Variants in TAX1BP1 observed in about 807,000 individuals in gnomAD.
TAX1BP1 encodes Tax1 binding protein 1.
In TAX1BP1, 62 loss-of-function variants were observed where a neutral mutation model predicts 97.7. The ratio of observed to expected loss-of-function variants is 0.63; its 90% CI spans 0.52 to 0.78. TAX1BP1 has a LOEUF of 0.78. Among genes scored for constraint, TAX1BP1 ranks in the 30% least tolerant of loss-of-function variants. The probability of loss-of-function intolerance (pLI) is 0.00; values close to 1 mark genes in which losing one functional copy is unlikely to be tolerated. For missense variants in TAX1BP1, 867 were observed against 916.1 expected (o/e 0.95, Z 0.69); for synonymous variants, 340 against 304.2 (o/e 1.12, Z -1.23).
chr7:27,792,087 G>A lies in TAX1BP1; in HGVS notation c.1120G>A (p.Ala374Thr). The change falls in exon 9 of 17, where the codon GCT becomes ACT. Residue 374 changes from alanine to threonine, a missense_variant. Ala to Thr is a moderately conservative substitution (Grantham distance 58). Around this residue, in one of 3 missense-constraint regions of TAX1BP1, gnomAD observed 822 missense variants for 851.4 expected, o/e 0.97. Transcript: ENST00000396319. ...AACTCGGCAAGAAGTTGTCTTTCTG[G>A]CTAAAGAACTCAGTGATGCTGTCAA... is the stretch of plus-strand genomic sequence containing the variant. ...QATRQEVVFL[A>T]KELSDAVNVR... 1.9e-6 allele frequency: 3 copies of A among 1,614,072 alleles called. No individual in the cohort carries two copies. The highest frequency in any genetic ancestry group is 2.5e-6 in the Non-Finnish European group (3 of 1,180,008).
intron 4 of TAX1BP1, among the ~76,000 whole-genome samples, chr7:27,766,523 A>G (rs1174503822): frequency 6.6e-6 from 1 of 151,110 alleles, no homozygotes; most frequent in Admixed American, 6.6e-5. Flanking sequence ...AAATGCTTAA[A>G]AAAATCTTTT....
At chr7:27,796,291 A>G (rs1397434414) in intron 12 of TAX1BP1, 72 bp downstream of exon 12, 6 of 1,208,948 alleles carry the variant, frequency 5.0e-6, no homozygotes, top group Non-Finnish European at 5.8e-6. Flanking sequence ...TATTGTTTCA[A>G]TTGATTGGTA....
intron 13 of TAX1BP1, among the ~76,000 whole-genome samples, chr7:27,816,000 C>T (rs1790752814): frequency 6.6e-6 from 1 of 152,164 alleles, no homozygotes; most frequent in Non-Finnish European, 1.5e-5. Context: ...TGCCATTGCA[C>T]CCCAGCCTGG....
intron 13 of TAX1BP1, among the ~76,000 whole-genome samples, chr7:27,813,799 G>T (rs1790652935): frequency 6.6e-6 from 1 of 152,130 alleles, no homozygotes; most frequent in Non-Finnish European, 1.5e-5. Flanking sequence ...TTGAGGAGTT[G>T]TACAGTGGCC....
chr7:27,758,166 C>T (rs1178279717), intron 3 of TAX1BP1, 33 bp downstream of exon 3: 1 of 1,491,578 alleles, frequency 6.7e-7, no homozygotes, highest in East Asian at 2.3e-5. Flanking sequence ...CTCAATGAAA[C>T]TAGATGTCTT....
upstream of TAX1BP1, chr7:27,739,848 G>C (rs1175634596): frequency 6.6e-6 from 1 of 152,320 alleles, no homozygotes; most frequent in African/African-American, 2.4e-5. Flanking sequence ...GGACCTCTGA[G>C]CTGCCCTTTC....
intron 13 of TAX1BP1, chr7:27,803,061 G>C (rs1401559333): frequency 1.3e-6 from 2 of 1,513,598 alleles, no homozygotes; most frequent in Non-Finnish European, 1.8e-6. Flanking sequence ...GTTGCAAGGA[G>C]GGAGTAGGTA....
chr7:27,805,779 T>C (rs1487114014), intron 13 of TAX1BP1, among the ~76,000 whole-genome samples: 2 of 152,092 alleles, frequency 1.3e-5, no homozygotes, highest in African/African-American at 4.8e-5. Context: ...GAGGCTGCAG[T>C]GAGCCGAGAT....
chr7:27,803,043 A>G, intron 13 of TAX1BP1: 3 of 1,469,672 alleles, frequency 2.0e-6, no homozygotes, highest in Admixed American at 4.3e-5. Flanking sequence ...TATAAACCAG[A>G]TCTCAAAGTT....
chr7:27,759,445 TTTAG>T (rs1442247631), intron 3 of TAX1BP1, among the ~76,000 whole-genome samples: 2 of 152,126 alleles, frequency 1.3e-5, no homozygotes, highest in Non-Finnish European at 2.9e-5. Context: ...ATGCTAAAAT[TTTAG>T]TTAGATGTTA....
chr7:27,785,604 G>A lies in TAX1BP1; in HGVS notation c.852+115G>A, dbSNP rs369744533. Reference sequence around the variant, plus strand: ...GCTTAGCTGAGTGGTTCTGGCTCTAGCCTCTTGTGTAGTTGCAGTCAGGAT... The same window carrying A: ...GCTTAGCTGAGTGGTTCTGGCTCTAACCTCTTGTGTAGTTGCAGTCAGGAT... On this transcript the variant is annotated intron_variant, in intron 7 of 16. Transcript: ENST00000396319. The A allele has an allele frequency of 1.8e-5, 15 of 824,146 alleles. No individual in the cohort carries two copies. The African/African-American group carries it at 2.6e-4, about 14-fold the overall frequency. 51.1% of individuals were successfully genotyped at this position (824,146 alleles called of 1,614,324 possible).
At chr7:27,746,486 T>A (rs1382370714) in intron 1 of TAX1BP1, among the ~76,000 whole-genome samples, 1 of 150,376 alleles carries the variant, frequency 6.6e-6, no homozygotes, top group Non-Finnish European at 1.5e-5. Flanking sequence ...TATCATGACC[T>A]CCCTGGGAGC....
intron 5 of TAX1BP1, among the ~76,000 whole-genome samples, chr7:27,778,206 T>A (rs535377105): frequency 6.6e-6 from 1 of 152,266 alleles, no homozygotes; most frequent in African/African-American, 2.4e-5. Context: ...TACACTGCAA[T>A]GTATGTAAAT....
At chr7:27,770,531 C>A (rs780309640) in intron 5 of TAX1BP1, among the ~76,000 whole-genome samples, 2 of 152,002 alleles carry the variant, frequency 1.3e-5, no homozygotes, top group African/African-American at 4.8e-5. Context: ...ACAGTAGAGC[C>A]GGTTGGGCAT....
At chr7:27,787,687 C>A in intron 8 of TAX1BP1, 84 bp downstream of exon 8, 2 of 1,265,012 alleles carry the variant, frequency 1.6e-6, no homozygotes, top group Non-Finnish European at 2.1e-6. Flanking sequence ...TTTAATTCCC[C>A]CAAGCTTTTG....
intron 15 of TAX1BP1, among the ~76,000 whole-genome samples, chr7:27,823,982 G>T (rs750812903): frequency 4.6e-5 from 7 of 152,030 alleles, no homozygotes; most frequent in Non-Finnish European, 1.5e-5. Context: ...CCACCCTATG[G>T]ATATATGCCA....
At chr7:27,742,184 C>G (rs917892638) in intron 1 of TAX1BP1, among the ~76,000 whole-genome samples, 3 of 152,174 alleles carry the variant, frequency 2.0e-5, no homozygotes, top group Admixed American at 6.5e-5. Context: ...TACTAATCCT[C>G]CTCAGCACAG....
At chr7:27,827,308 G>A (rs1360025509) in intron 15 of TAX1BP1, among the ~76,000 whole-genome samples, 2 of 151,440 alleles carry the variant, frequency 1.3e-5, no homozygotes, top group African/African-American at 4.9e-5. Flanking sequence ...AGCCGAGATC[G>A]CGCCACTGCA....
chr7:27,805,720 C>T (rs1790311748), intron 13 of TAX1BP1, among the ~76,000 whole-genome samples: 1 of 152,042 alleles, frequency 6.6e-6, no homozygotes, highest in South Asian at 2.1e-4. Context: ...GCCATGAGCC[C>T]AGCTACTTGG....
Sources: allele counts gnomAD v4.1 joint callset (sites outside exome capture counted in the v4.1 genomes callset), GRCh38; gene constraint gnomAD v4.1.1; regional missense constraint gnomAD v4.1.1; transcripts MANE v1.5; gene names NCBI Gene and HGNC (gene_info 2026-07-23, HGNC 2026-07-21).